The following HMGXB3 variants were observed in gnomAD, a reference collection of about 807,000 sequenced individuals.
HMGXB3 encodes HMG-box containing 3.
In HMGXB3, 45 loss-of-function variants were observed where a neutral mutation model predicts 121.5. The observed-to-expected ratio is 0.37, with a 90% confidence interval of 0.29 to 0.47. The LOEUF (loss-of-function observed/expected upper bound fraction) is 0.47. Among genes scored for constraint, HMGXB3 ranks in the 20% least tolerant of loss-of-function variants. The probability of loss-of-function intolerance (pLI) is 0.99; values close to 1 mark genes in which losing one functional copy is unlikely to be tolerated. For synonymous variants in HMGXB3, 590 were observed against 624.1 expected (o/e 0.95, Z 0.81); for missense variants, 1,376 against 1,602.2 (o/e 0.86, Z 2.41).
intron 12 of HMGXB3, 86 bp downstream of exon 12, chr5:150,037,023 CTG>C: frequency 8.5e-7 from 1 of 1,178,972 alleles, no homozygotes; most frequent in Non-Finnish European, 1.2e-6. Context: ...AAAACTATAA[CTG>C]TGAAGATGTT....
intron 14 of HMGXB3, among the ~76,000 whole-genome samples, chr5:150,041,542 C>T (rs1756635124): frequency 6.6e-6 from 1 of 152,238 alleles, no homozygotes; most frequent in African/African-American, 2.4e-5. Context: ...ATATCCAAAG[C>T]TTTCAGCACA....
intron 1 of HMGXB3, among the ~76,000 whole-genome samples, chr5:150,003,888 A>G (rs577052086): frequency 1.3e-5 from 2 of 152,324 alleles, no homozygotes; most frequent in African/African-American, 4.8e-5. Context: ...CAGGAGGTCA[A>G]GACTGTAGTG....
intron 3 of HMGXB3, among the ~76,000 whole-genome samples, chr5:150,008,428 G>A (rs531322114): frequency 6.6e-6 from 1 of 152,232 alleles, no homozygotes; most frequent in South Asian, 2.1e-4. Context: ...TGATAATACT[G>A]ACATAATAAA....
intron 1 of HMGXB3, among the ~76,000 whole-genome samples, chr5:150,004,225 A>G (rs1251313789): frequency 2.6e-5 from 4 of 152,096 alleles, no homozygotes; most frequent in Non-Finnish European, 5.9e-5. Flanking sequence ...TCTTATCACT[A>G]TAAATCTGTG....
chr5:150,028,541 G>GTGTGTGTATA (rs1203886454), intron 9 of HMGXB3, among the ~76,000 whole-genome samples: 24 of 42,082 alleles, frequency 5.7e-4, no homozygotes, highest in African/African-American at 9.2e-4. Context: ...GTGTGTGTGT[G>GTGTGTGTATA]TATATATATA....
intron 18 of HMGXB3, among the ~76,000 whole-genome samples, chr5:150,049,922 A>AGCTGCTGCTGCT (rs1403382092): frequency 1.3e-5 from 2 of 152,308 alleles, no homozygotes; most frequent in East Asian, 3.9e-4. Flanking sequence ...ACCAGCTCTT[A>AGCTGCTGCTGCT]GCTGCTGCTG....
At position 150,004,741 on chromosome 5, in the gene HMGXB3, A is replaced by C. The variant is rs1277753212; in HGVS notation, c.-2-110A>C. On this transcript the variant is annotated intron_variant, in intron 1 of 19. Coordinates refer to ENST00000502717, the MANE Select transcript of HMGXB3 (RefSeq NM_014983.3). ...TCTTAGGATATATTGGGTTTGGGAA[A>C]TGTCTAAGCCTTAAGGCACTGGCAG... 3 of 665,874 alleles carry C rather than the reference A, an allele frequency of 4.5e-6. No homozygotes were observed. The Admixed American group carries it at 1.0e-4, about 23-fold the overall frequency. 41.2% of individuals were successfully genotyped at this position (665,874 alleles called of 1,614,324 possible).
intron 2 of HMGXB3, among the ~76,000 whole-genome samples, chr5:150,005,582 A>G (rs577004627): frequency 1.3e-5 from 2 of 151,590 alleles, no homozygotes; most frequent in African/African-American, 2.4e-5. Flanking sequence ...TTGGCCAACA[A>G]GAACGAAACT....
rs1162561948 is a variant in HMGXB3, at chr5:150,051,961, C to T, written c.3648C>T (p.Arg1216=). ...TGGACAGCAAACCAAACGGTGTCCG[C>T]CAGCGGCCCATTGCCTTCGACAATG... ...SIVDSKPNGV[R]QRPIAFDNAT... Residue 1216 remains arginine (R), a synonymous_variant, in exon 20 of 20, where the codon CGC becomes CGT. Coordinates refer to ENST00000502717, the MANE Select transcript of HMGXB3 (RefSeq NM_014983.3). 6.4e-7 allele frequency: 1 copy of T among 1,552,356 alleles called. No individual in the cohort carries two copies. The highest frequency in any genetic ancestry group is 8.7e-7 in the Non-Finnish European group (1 of 1,147,136).
chr5:150,047,480 AC>A (rs1756784908), intron 16 of HMGXB3, 143 bp from the exon 17 acceptor site: 5 of 865,188 alleles, frequency 5.8e-6, no homozygotes, highest in Non-Finnish European at 8.8e-6. Context: ...GAAAGCGTGG[AC>A]CTGACTTGAG....
At chr5:150,041,401 C>G (rs572671709) in intron 14 of HMGXB3, among the ~76,000 whole-genome samples, 37 of 152,310 alleles carry the variant, frequency 2.4e-4, no homozygotes, top group Non-Finnish European at 3.8e-4. Context: ...GTGTTTCAGT[C>G]TTGGCTCTGC....
intron 15 of HMGXB3, among the ~76,000 whole-genome samples, chr5:150,045,042 T>C (rs909226748): frequency 1.3e-5 from 2 of 152,212 alleles, no homozygotes; most frequent in African/African-American, 4.8e-5. Context: ...GTTTGGGCTT[T>C]GGAACTAGAC....
At chr5:150,006,735 T>C in intron 3 of HMGXB3, 88 bp downstream of exon 3, 1 of 1,217,130 alleles carries the variant, frequency 8.2e-7, no homozygotes, top group Non-Finnish European at 1.1e-6. Flanking sequence ...TGTTTCCTTT[T>C]CTTTTTTTGG....
At chr5:150,026,350 C>A (rs556036236) in intron 7 of HMGXB3, among the ~76,000 whole-genome samples, 1 of 152,174 alleles carries the variant, frequency 6.6e-6, no homozygotes, top group African/African-American at 2.4e-5. Context: ...GGTCTCTAAG[C>A]TGCTGTCATA....
rs1756859944 is a variant in HMGXB3 at position 150,050,309 on chromosome 5, C to G, written c.3259C>G (p.Leu1087Val). The change falls in exon 19 of 20, where the codon CTG (leucine) becomes GTG (valine). Residue 1087 changes from leucine to valine, a missense_variant. By Grantham distance (32) the Leu-to-Val change is conservative. Transcript: ENST00000502717. ...TGAGAGTGCCCGTGACCATGTGGAC[C>G]TGCTTGCCTCTTCCCGCCACTGGCC... is the stretch of plus-strand genomic sequence containing the variant. ...RGESARDHVD[L>V]LASSRHWPPV... 2.6e-6 allele frequency: 4 copies of G among 1,551,656 alleles called. No homozygotes were observed.
At chr5:150,032,772 C>T (rs1345146810) in intron 11 of HMGXB3, among the ~76,000 whole-genome samples, 169 bp downstream of exon 11, 2 of 152,192 alleles carry the variant, frequency 1.3e-5, no homozygotes, top group African/African-American at 2.4e-5. Flanking sequence ...TTCTCTGAGC[C>T]TCCTTGTCCC....
In HMGXB3 at chr5:150,045,623, T is replaced by C. The variant is rs1273907902; in HGVS notation, c.2888T>C (p.Met963Thr). 2.6e-6 allele frequency: 4 copies of C among 1,551,714 alleles called. No individual in the cohort carries two copies. The highest frequency in any genetic ancestry group is 3.5e-6 in the Non-Finnish European group (4 of 1,146,990). Residue 963 changes from methionine to threonine, a missense_variant, in exon 16 of 20, where the codon ATG becomes ACG. Met to Thr is a moderately conservative substitution (Grantham distance 81). Coordinates refer to ENST00000502717, the MANE Select transcript of HMGXB3 (RefSeq NM_014983.3). ...SVIAPFFPPL[M>T]RGAVVVNTEK... is the part of the protein sequence containing the mutation. ...ATTGCCCCCTTCTTCCCACCACTCA[T>C]GAGAGGAGCTGTGGTCGTCAACACT...
At chr5:150,024,004 A>G (rs951859783) in intron 6 of HMGXB3, among the ~76,000 whole-genome samples, 2 of 152,254 alleles carry the variant, frequency 1.3e-5, no homozygotes, top group African/African-American at 4.8e-5. Context: ...AACCTGGAGA[A>G]GCTTTTCAAT....
Position 150,047,556 on chromosome 5 carries a change from G to C in HMGXB3, c.2951-68G>C, listed in dbSNP as rs187352121. The C allele has an allele frequency of 3.8e-4, 584 of 1,535,916 alleles. 1 individual carries two copies. In the African/African-American group the frequency reaches 7.2e-3, roughly 19 times the overall value. On this transcript the variant is annotated intron_variant, in intron 16 of 19. Coordinates refer to ENST00000502717, the MANE Select transcript of HMGXB3 (RefSeq NM_014983.3). ...GCTGGCTTCCACTGTTTGCTGTTTT[G>C]TGGGCCTAGCCTTGGCCTCTGGTGA...
Sources: allele counts gnomAD v4.1 joint callset (sites outside exome capture counted in the v4.1 genomes callset), GRCh38; gene constraint gnomAD v4.1.1; transcripts MANE v1.5; gene names NCBI Gene and HGNC (gene_info 2026-07-23, HGNC 2026-07-21).